MYO5B: variants seen among roughly 807,000 people sequenced by gnomAD.
The protein encoded by MYO5B is myosin VB.
A neutral mutation model predicts 229.3 loss-of-function variants in MYO5B; 143 were observed. The ratio of observed to expected loss-of-function variants is 0.62; its 90% CI spans 0.54 to 0.72. MYO5B has a LOEUF of 0.72. Ranked by LOEUF, MYO5B falls within the 30% of genes least tolerant of loss-of-function variation. MYO5B has a pLI of 0.00. For synonymous variants in MYO5B, 918 were observed against 885.2 expected, an observed-to-expected ratio of 1.04 and a Z score of -0.66; for missense variants, 2,321 against 2,331.0, an observed-to-expected ratio of 1.00 and a Z score of 0.09.
At chr18:50,085,938 A>T (rs919065872) in intron 1 of MYO5B, among the ~76,000 whole-genome samples, 28 of 152,122 alleles carry the variant, frequency 1.8e-4, no homozygotes, top group African/African-American at 5.8e-4. Context: ...GGGGGGAGGG[A>T]TAGCATTAGG....
At chr18:49,921,142 C>G (rs568725995) in intron 17 of MYO5B, among the ~76,000 whole-genome samples, 1 of 152,088 alleles carries the variant, frequency 6.6e-6, no homozygotes, top group South Asian at 2.1e-4. Flanking sequence ...GCTATTTACT[C>G]TTCACAGGAC....
intron 2 of MYO5B, among the ~76,000 whole-genome samples, chr18:50,047,150 A>G (rs537485721): frequency 1.4e-4 from 22 of 152,328 alleles, no homozygotes; most frequent in East Asian, 3.9e-4. Context: ...GAGTGAACAG[A>G]CAACCTACAG....
intron 1 of MYO5B, among the ~76,000 whole-genome samples, chr18:50,101,174 T>C (rs1326772319): frequency 1.3e-5 from 2 of 152,222 alleles, no homozygotes; most frequent in African/African-American, 2.4e-5. Flanking sequence ...TGTGAGGTGA[T>C]AGATGACGAG....
intron 11 of MYO5B, among the ~76,000 whole-genome samples, 154 bp downstream of exon 11, chr18:49,962,795 C>T (rs868843202): frequency 1.1e-4 from 17 of 152,186 alleles, no homozygotes; most frequent in Middle Eastern, 3.4e-3. Context: ...AGTGGAGAGC[C>T]CCTTCCGAAA....
intron 12 of MYO5B, among the ~76,000 whole-genome samples, chr18:49,956,241 C>A (rs1598910385): frequency 1.3e-5 from 2 of 152,202 alleles, no homozygotes; most frequent in Non-Finnish European, 2.9e-5. Flanking sequence ...TTTGCCAGGC[C>A]ATTTTCTACA....
chr18:49,962,904 A>G, intron 11 of MYO5B, 45 bp downstream of exon 11: 1 of 1,500,684 alleles, frequency 6.7e-7, no homozygotes, highest in South Asian at 1.1e-5. Context: ...CTCCCAGAGG[A>G]GTCCCCCCAA....
At chr18:50,142,534 G>T (rs1243877899) in intron 1 of MYO5B, among the ~76,000 whole-genome samples, 2 of 152,168 alleles carry the variant, frequency 1.3e-5, no homozygotes, top group Non-Finnish European at 2.9e-5. Context: ...GGGAATATGG[G>T]GGGTTTGTGT....
intron 17 of MYO5B, among the ~76,000 whole-genome samples, chr18:49,923,879 C>T (rs1412719022): frequency 1.3e-5 from 2 of 152,134 alleles, no homozygotes; most frequent in Non-Finnish European, 1.5e-5. Context: ...TTCTTCTCCC[C>T]TGCTTGACAT....
intron 1 of MYO5B, among the ~76,000 whole-genome samples, chr18:50,177,786 T>A (rs774022043): frequency 1.2e-4 from 19 of 152,174 alleles, no homozygotes; most frequent in Non-Finnish European, 2.5e-4. Context: ...TAGGAAGGCA[T>A]GTTGAGAGAC....
At chr18:50,151,805 TTC>T (rs1444558864) in intron 1 of MYO5B, among the ~76,000 whole-genome samples, 1 of 152,076 alleles carries the variant, frequency 6.6e-6, no homozygotes, top group Non-Finnish European at 1.5e-5. Flanking sequence ...TGAGGATGAG[TTC>T]TCTGAGCTGG....
intron 1 of MYO5B, among the ~76,000 whole-genome samples, chr18:50,076,189 G>T (rs2031073819): frequency 6.6e-6 from 1 of 152,192 alleles, no homozygotes; most frequent in Admixed American, 6.5e-5. Flanking sequence ...ACAGCCAGAG[G>T]CAGAGCTCAC....
intron 1 of MYO5B, among the ~76,000 whole-genome samples, chr18:50,190,318 G>C (rs573621351): frequency 1.3e-5 from 2 of 152,216 alleles, no homozygotes; most frequent in South Asian, 4.1e-4. Flanking sequence ...CTTCTTTCTG[G>C]ATCTATGCAA....
intron 6 of MYO5B, 76 bp downstream of exon 6, chr18:49,992,212 G>C: frequency 1.9e-6 from 3 of 1,585,062 alleles, no homozygotes; most frequent in Non-Finnish European, 2.6e-6. Flanking sequence ...TTTGGGTCCA[G>C]GGAGTGGGGC....
At chr18:49,999,027 T>C (rs374918918) in intron 5 of MYO5B, among the ~76,000 whole-genome samples, 88 of 152,336 alleles carry the variant, frequency 5.8e-4, no homozygotes, top group African/African-American at 2.1e-3. Flanking sequence ...ATGATAAAAT[T>C]GTAAAAAATT....
In MYO5B at chr18:49,906,429, G is replaced by C. The variant is rs934453440; in HGVS notation, c.2404C>G (p.Leu802Val). The C allele has an allele frequency of 5.0e-6, 8 of 1,613,978 alleles. No individual in the cohort carries two copies. In the Admixed American group the frequency reaches 8.3e-5, roughly 17 times the overall value. The change falls in exon 19 of 40, where the codon CTG (leucine) becomes GTG (valine). Residue 802 changes from leucine to valine, a missense_variant. This residue lies in a region of MYO5B where 2,113 missense variants were observed against 2,044.7 expected (regional missense o/e 1.03). Transcript: ENST00000285039. ...LTLQRYCRGHLARRLAEHLRR... is the reference protein window; with the variant it reads ...LTLQRYCRGHVARRLAEHLRR... ...CACAGTCTGGCTCACCTGCGGGCCA[G>C]GTGTCCCCGGCAGTACCTCTGCAGG...
At chr18:50,036,024 A>G (rs542853476) in intron 4 of MYO5B, among the ~76,000 whole-genome samples, 1 of 152,202 alleles carries the variant, frequency 6.6e-6, no homozygotes, top group Non-Finnish European at 1.5e-5. Flanking sequence ...CTCCCCCTAC[A>G]AAAATCACTA....
At chr18:49,968,682 T>C (rs182432825) in intron 10 of MYO5B, among the ~76,000 whole-genome samples, 96 of 152,222 alleles carry the variant, frequency 6.3e-4, no homozygotes, top group Admixed American at 1.4e-3. Context: ...AAGAATTCAT[T>C]CCTTATTTTG....
chr18:50,128,350 C>A (rs1259072682), intron 1 of MYO5B, among the ~76,000 whole-genome samples: 1 of 152,174 alleles, frequency 6.6e-6, no homozygotes. Flanking sequence ...CTGTGAGGTG[C>A]AACAGCTGAT....
At chr18:49,963,191 T>C (rs533201219) in intron 10 of MYO5B, among the ~76,000 whole-genome samples, 161 bp from the exon 11 acceptor site, 1 of 152,098 alleles carries the variant, frequency 6.6e-6, no homozygotes, top group African/African-American at 2.4e-5. Flanking sequence ...AAGTTAGCAC[T>C]ACACAGAGCC....
Sources: gnomAD v4.1 joint callset for allele counts (sites outside exome capture counted in the v4.1 genomes callset) on GRCh38, gnomAD v4.1.1 for gene constraint, gnomAD v4.1.1 regional missense constraint, MANE v1.5 for transcripts, NCBI Gene and HGNC (gene_info 2026-07-23, HGNC 2026-07-21) for gene names.